Variants in DGKD observed in about 807,000 individuals in gnomAD.
DGKD encodes the protein diacylglycerol kinase delta.
Under a neutral mutation model 154.4 loss-of-function variants are expected in DGKD, and 68 were observed. The ratio of observed to expected loss-of-function variants is 0.44; its 90% CI spans 0.36 to 0.54. DGKD has a LOEUF of 0.54. Among genes scored for constraint, DGKD ranks in the 20% least tolerant of loss-of-function variants. DGKD has a pLI of 0.00. For synonymous variants in DGKD, 693 were observed against 638.0 expected (o/e 1.09, Z -1.30); for missense variants, 1,343 against 1,593.6 (o/e 0.84, Z 2.68).
chr2:233,410,511 T>C (rs2061801471), intron 3 of DGKD, among the ~76,000 whole-genome samples: 3 of 152,196 alleles, frequency 2.0e-5, no homozygotes, highest in Admixed American at 6.5e-5. Flanking sequence ...AATGAAGAGA[T>C]TGGGTATTTG....
intron 24 of DGKD, among the ~76,000 whole-genome samples, chr2:233,461,747 C>T (rs1351080968): frequency 1.3e-5 from 2 of 152,264 alleles, no homozygotes; most frequent in Non-Finnish European, 2.9e-5. Context: ...TCCACAGGGT[C>T]AGGACAGGCT....
rs10208953 is a variant in DGKD, at chr2:233,448,161, G to A, written c.1494G>A (p.Ser498=). 42,683 of 1,614,194 alleles carry A rather than the reference G, an allele frequency of 0.026. 706 individuals are homozygous for A. The highest frequency in any genetic ancestry group is 0.07 in the Middle Eastern group (422 of 6,062). Residue 498 remains serine (S), a synonymous_variant, in exon 13 of 30, where the codon TCG becomes TCA. Coordinates refer to ENST00000264057, the MANE Select transcript of DGKD (RefSeq NM_152879.3). ...AAATCCTCACCTCGGACCAGCACTC[G>A]GTGGTCATCTCCTCGGCCAAGTGAG... ...LSKILTSDQH[S]VVISSAKVLC...
chr2:233,468,248 G>C (rs964377685), intron 28 of DGKD, among the ~76,000 whole-genome samples, 175 bp from the exon 29 acceptor site: 2 of 123,334 alleles, frequency 1.6e-5, no homozygotes, highest in African/African-American at 7.4e-5. Context: ...GGCTATCTCG[G>C]GTGCCGGCTG....
intron 3 of DGKD, among the ~76,000 whole-genome samples, chr2:233,422,544 C>T (rs1317325888): frequency 6.6e-6 from 1 of 152,140 alleles, no homozygotes; most frequent in Non-Finnish European, 1.5e-5. Context: ...AAAGGTGTGT[C>T]GGCTGTGTCC....
chr2:233,372,657 A>G lies in DGKD; in HGVS notation c.157-15600A>G, dbSNP rs544227446. ...GGAGATCTGGCCAATGTGTATTTTT[A>G]TTGTCCATTAGTCACAATTGTCTGT... On this transcript the variant is annotated intron_variant, in intron 1 of 29. Transcript: ENST00000264057. Among the ~76,000 whole-genome samples the G allele has an allele frequency of 4.7e-5, 7 of 149,900 alleles. No individual in the cohort carries two copies. The East Asian group carries it at 1.4e-3, about 30-fold the overall frequency.
chr2:233,414,504 C>CA (rs1341560697), intron 3 of DGKD, among the ~76,000 whole-genome samples: 1 of 152,226 alleles, frequency 6.6e-6, no homozygotes, highest in Non-Finnish European at 1.5e-5. Context: ...TCCCTCCCTC[C>CA]AGGGGGAGAC....
chr2:233,383,557 A>G (rs1703009451), intron 1 of DGKD, among the ~76,000 whole-genome samples: 1 of 152,104 alleles, frequency 6.6e-6, no homozygotes, highest in Non-Finnish European at 1.5e-5. Context: ...CCCAATTCCA[A>G]AGTCATTGGA....
intron 1 of DGKD, among the ~76,000 whole-genome samples, chr2:233,368,236 C>T (rs1354312684): frequency 2.6e-5 from 4 of 151,940 alleles, no homozygotes; most frequent in Non-Finnish European, 4.4e-5. Context: ...GGGCCAGGCG[C>T]GGTGGCTCAT....
chr2:233,453,295 C>T (rs1026782236), intron 18 of DGKD, among the ~76,000 whole-genome samples: 1 of 152,184 alleles, frequency 6.6e-6, no homozygotes, highest in African/African-American at 2.4e-5. Flanking sequence ...TGTCCTCTCC[C>T]ACTGCCCCAG....
intron 1 of DGKD, among the ~76,000 whole-genome samples, chr2:233,365,625 C>T (rs183518693): frequency 2.6e-5 from 4 of 152,298 alleles, no homozygotes; most frequent in Admixed American, 1.3e-4. Context: ...TTCCAATGCA[C>T]AGGCACATTT....
At chr2:233,432,401 T>C (rs1035266326) in intron 3 of DGKD, among the ~76,000 whole-genome samples, 4 of 141,614 alleles carry the variant, frequency 2.8e-5, no homozygotes, top group African/African-American at 1.1e-4. Flanking sequence ...TGCTCACGCC[T>C]GTAATCCCAG....
chr2:233,373,254 G>A (rs1296350905), intron 1 of DGKD, among the ~76,000 whole-genome samples: 4 of 152,214 alleles, frequency 2.6e-5, no homozygotes, highest in Non-Finnish European at 4.4e-5. Context: ...TACAGAATGC[G>A]TTTCAGCAGT....
At chr2:233,399,922 T>C (rs1476509437) in intron 3 of DGKD, among the ~76,000 whole-genome samples, 1 of 152,130 alleles carries the variant, frequency 6.6e-6, no homozygotes, top group Non-Finnish European at 1.5e-5. Flanking sequence ...GTTGGTACTT[T>C]TATTTGTTTT....
intron 1 of DGKD, among the ~76,000 whole-genome samples, chr2:233,368,200 T>C (rs1241014860): frequency 6.6e-6 from 1 of 152,070 alleles, no homozygotes; most frequent in Non-Finnish European, 1.5e-5. Context: ...TATCTGTTGG[T>C]GTTATTCTGT....
Position 233,438,969 on chromosome 2 carries a change from C to T in DGKD, c.1085+590C>T, listed in dbSNP as rs2062803469. ...GCTGCAAGGCAGGAACACGTAAGGGCGGCGTTGGGCCAGAGCGATTTCCAC... is the reference window on the plus strand; with the variant it reads ...GCTGCAAGGCAGGAACACGTAAGGGTGGCGTTGGGCCAGAGCGATTTCCAC... On this transcript the variant is annotated intron_variant, in intron 9 of 29. Transcript: ENST00000264057. This position sits in a 1 kb window ranked among gnomAD's most constrained non-coding sequence, Gnocchi z 4.1. 6.6e-6 allele frequency among the ~76,000 whole-genome samples: 1 copy of T among 152,246 alleles called. No individual in the cohort carries two copies. The highest frequency in any genetic ancestry group is 1.5e-5 in the Non-Finnish European group (1 of 68,042).
At chr2:233,469,238 A>G (rs1288204040) in intron 29 of DGKD, 133 bp from the exon 30 acceptor site, 6 of 713,378 alleles carry the variant, frequency 8.4e-6, no homozygotes, top group Non-Finnish European at 1.5e-5. Flanking sequence ...ATCTTGTTTT[A>G]CCGTTTTTGT....
intron 3 of DGKD, among the ~76,000 whole-genome samples, chr2:233,403,486 A>AGGAG (rs1425779079): frequency 1.3e-5 from 2 of 151,682 alleles, no homozygotes; most frequent in Admixed American, 6.6e-5. Flanking sequence ...GCTTCAACCC[A>AGGAG]GGAGGTGGAG....
intron 3 of DGKD, among the ~76,000 whole-genome samples, chr2:233,404,058 A>G (rs2061622864): frequency 6.6e-6 from 1 of 152,208 alleles, no homozygotes; most frequent in South Asian, 2.1e-4. Context: ...ATTACATTTT[A>G]CATGTGTTAT....
intron 1 of DGKD, among the ~76,000 whole-genome samples, chr2:233,371,155 T>C (rs1702302039): frequency 6.6e-6 from 1 of 152,186 alleles, no homozygotes; most frequent in Admixed American, 6.5e-5. Flanking sequence ...GCTGCACCAT[T>C]GTATGTTCCC....
Sources: allele counts gnomAD v4.1 joint callset (sites outside exome capture counted in the v4.1 genomes callset), GRCh38; gene constraint gnomAD v4.1.1; non-coding constraint Gnocchi (gnomAD v3.1); transcripts MANE v1.5; gene names NCBI Gene and HGNC (gene_info 2026-07-23, HGNC 2026-07-21).